BUB1B: variants seen among roughly 807,000 people sequenced by gnomAD.
The protein encoded by BUB1B is BUB1 mitotic checkpoint serine/threonine kinase B.
BUB1B carries 86 observed loss-of-function variants against 137.7 expected under a neutral mutation model. The ratio of observed to expected loss-of-function variants is 0.62; its 90% CI spans 0.52 to 0.75. BUB1B has a LOEUF of 0.75. BUB1B is among the 30% of genes least tolerant of loss of function. BUB1B has a pLI of 0.00. For synonymous variants in BUB1B, 420 were observed against 417.9 expected (o/e 1.00, Z -0.06); for missense variants, 1,130 against 1,236.9 (o/e 0.91, Z 1.30).
intron 20 of BUB1B, among the ~76,000 whole-genome samples, chr15:40,214,274 C>A (rs2037748280): frequency 6.6e-6 from 1 of 152,140 alleles, no homozygotes. Flanking sequence ...GTGTGTCCAT[C>A]AGGTTCAAGG....
chr15:40,215,708 G>A (rs938043814), intron 20 of BUB1B, among the ~76,000 whole-genome samples: 2 of 152,098 alleles, frequency 1.3e-5, no homozygotes, highest in Non-Finnish European at 2.9e-5. Context: ...GGCAGAGCTT[G>A]CAGTGAGCCA....
intron 2 of BUB1B, 122 bp downstream of exon 2, chr15:40,165,318 C>T: frequency 7.8e-7 from 1 of 1,279,914 alleles, no homozygotes; most frequent in South Asian, 1.2e-5. Context: ...GTATGAGAAT[C>T]TGTTCTCTAC....
At chr15:40,161,277 T>G in intron 1 of BUB1B, 22 bp downstream of exon 1, 1 of 1,609,072 alleles carries the variant, frequency 6.2e-7, no homozygotes, top group Non-Finnish European at 8.5e-7. Context: ...AGAAAGCTGC[T>G]GGGGGCTGGG....
chr15:40,161,770 C>G (rs952341261), intron 1 of BUB1B, among the ~76,000 whole-genome samples: 1 of 152,086 alleles, frequency 6.6e-6, no homozygotes, highest in Non-Finnish European at 1.5e-5. Flanking sequence ...GATCTAAAAG[C>G]CTTTTTCTGC....
At chr15:40,187,113 C>A (rs2037376181) in intron 8 of BUB1B, 1 of 139,718 alleles carries the variant, frequency 7.2e-6, no homozygotes, top group East Asian at 2.0e-4. Context: ...TAGCAAAAAC[C>A]TGACCCTACA....
In BUB1B at chr15:40,180,455, G is replaced by A. The variant is rs2037274963; in HGVS notation, c.582-3259G>A. Among the ~76,000 whole-genome samples, 5 of 151,168 alleles carry A rather than the reference G, an allele frequency of 3.3e-5. No homozygotes were observed. The South Asian group carries it at 1.0e-3, about 32-fold the overall frequency. On this transcript the variant is annotated intron_variant, in intron 5 of 22. Coordinates refer to ENST00000287598, the MANE Select transcript of BUB1B (RefSeq NM_001211.6). ...TAATTTTTGTAGTTTTAGAAGAGAT[G>A]GGGTTTCATCACATTGGCCAGGCTG...
intron 2 of BUB1B, among the ~76,000 whole-genome samples, chr15:40,169,496 T>G (rs1426813974): frequency 2.0e-5 from 3 of 152,112 alleles, no homozygotes; most frequent in African/African-American, 7.2e-5. Flanking sequence ...AGTTCTTAAC[T>G]GCTGTGTAGT....
At chr15:40,206,088 GTA>G in intron 14 of BUB1B, 94 bp from the exon 15 acceptor site, 1 of 1,279,382 alleles carries the variant, frequency 7.8e-7, no homozygotes, top group Non-Finnish European at 1.1e-6. Context: ...TGCTATTTCT[GTA>G]CCCTGTGTCA....
Position 40,213,479 on chromosome 15 carries a change from G to T in BUB1B, c.2678+5G>T, listed in dbSNP as rs2037739073. 2 of 1,613,846 alleles carry T rather than the reference G, an allele frequency of 1.2e-6. No individual in the cohort carries two copies. The highest frequency in any genetic ancestry group is 1.7e-6 in the Non-Finnish European group (2 of 1,179,984). ...GTGTCTGATTCTCAGAAACAGGTTG[G>T]TCCTTTTCATTCTTATAATTCTGCC... On this transcript the variant is annotated splice_donor_5th_base_variant and intron_variant, in intron 20 of 22. Coordinates refer to ENST00000287598, the MANE Select transcript of BUB1B (RefSeq NM_001211.6).
chr15:40,174,024 AG>A (rs1161948880), intron 4 of BUB1B: 2 of 402,154 alleles, frequency 5.0e-6, no homozygotes, highest in Non-Finnish European at 9.5e-6. Context: ...ACCAAAAAAA[AG>A]GTTTATTTAA....
chr15:40,174,513 G>A (rs548712539), intron 4 of BUB1B, among the ~76,000 whole-genome samples: 6 of 152,290 alleles, frequency 3.9e-5, no homozygotes, highest in African/African-American at 1.2e-4. Context: ...GCCATTAATT[G>A]TAACTGTAAC....
intron 8 of BUB1B, among the ~76,000 whole-genome samples, chr15:40,193,058 C>A (rs1329007784): frequency 1.3e-5 from 2 of 151,980 alleles, no homozygotes; most frequent in African/African-American, 4.8e-5. Context: ...CTGTGTTGCC[C>A]AGCCTGGTCT....
rs188464284 is a variant in BUB1B at position 40,219,457 on chromosome 15, C to A, written c.2957+895C>A. Among the ~76,000 whole-genome samples, 210 of 152,132 alleles carry A rather than the reference C, an allele frequency of 1.4e-3. 1 individual carries two copies. The highest frequency in any genetic ancestry group is 5.0e-3 in the African/African-American group (206 of 41,500). ...ACTAAGTCAGCCGGGCATGGTGGCT[C>A]ACACCTGTAATCACAGCACTTTGGG... On this transcript the variant is annotated intron_variant, in intron 22 of 22. Coordinates refer to ENST00000287598, the MANE Select transcript of BUB1B (RefSeq NM_001211.6).
At chr15:40,180,750 C>T (rs543552703) in intron 5 of BUB1B, among the ~76,000 whole-genome samples, 139 of 146,618 alleles carry the variant, frequency 9.5e-4, no homozygotes, top group African/African-American at 3.3e-3. Flanking sequence ...CCTGGGATTA[C>T]GCCATTCTCC....
At chr15:40,197,067 T>G (rs1387339926) in intron 9 of BUB1B, among the ~76,000 whole-genome samples, 2 of 152,168 alleles carry the variant, frequency 1.3e-5, no homozygotes, top group Non-Finnish European at 2.9e-5. Flanking sequence ...GTATGAACAA[T>G]TTATATTCCC....
At chr15:40,175,949 T>C (rs893222933) in intron 4 of BUB1B, among the ~76,000 whole-genome samples, 1 of 152,094 alleles carries the variant, frequency 6.6e-6, no homozygotes, top group Admixed American at 6.5e-5. Context: ...TCCTCCCCCC[T>C]TTTTTTAATT....
At chr15:40,176,703 C>T in intron 5 of BUB1B, 30 bp downstream of exon 5, 2 of 1,601,880 alleles carry the variant, frequency 1.2e-6, no homozygotes, top group Non-Finnish European at 1.7e-6. Flanking sequence ...TGTCTTAACT[C>T]TAAAAATAAT....
chr15:40,177,606 C>T (rs1178988701), intron 5 of BUB1B, among the ~76,000 whole-genome samples: 1 of 151,898 alleles, frequency 6.6e-6, no homozygotes, highest in African/African-American at 2.4e-5. Flanking sequence ...TAGTGTTTAC[C>T]ATGCTATCTA....
chr15:40,190,206 A>C (rs942424575), intron 8 of BUB1B, among the ~76,000 whole-genome samples: 23 of 152,214 alleles, frequency 1.5e-4, no homozygotes, highest in Admixed American at 8.5e-4. Flanking sequence ...AGCAAAACTA[A>C]CTTTTTTTCC....
Sources: allele counts gnomAD v4.1 joint callset (sites outside exome capture counted in the v4.1 genomes callset), GRCh38; gene constraint gnomAD v4.1.1; transcripts MANE v1.5; gene names NCBI Gene and HGNC (gene_info 2026-07-23, HGNC 2026-07-21).